Variants in HMMR observed in about 807,000 individuals in gnomAD.
HMMR encodes intracellular hyaluronic acid-binding protein.
Under a neutral mutation model 101.0 loss-of-function variants are expected in HMMR, and 108 were observed. The ratio of observed to expected loss-of-function variants is 1.07; its 90% CI spans 0.92 to 1.25. The LOEUF (loss-of-function observed/expected upper bound fraction) is 1.25. HMMR is among the 50% of genes most tolerant of loss of function. The pLI, the probability that HMMR is intolerant of heterozygous loss-of-function variation, is 0.00. For synonymous variants in HMMR, 296 were observed against 276.4 expected, an observed-to-expected ratio of 1.07 and a Z score of -0.70; for missense variants, 813 against 788.7, an observed-to-expected ratio of 1.03 and a Z score of -0.37.
At position 163,463,957 on chromosome 5, in the gene HMMR, A is replaced by G. The variant is rs761855101; in HGVS notation, c.145+3A>G. 4 of 1,009,614 alleles carry G rather than the reference A, an allele frequency of 4.0e-6. No homozygotes were observed. The highest frequency in any genetic ancestry group is 3.4e-5 in the African/African-American group (2 of 59,676). The allele number at this position is 1,009,614 out of a possible 1,614,324, so 62.5% of individuals were successfully genotyped here. A position where few individuals can be genotyped will look rare whatever the true frequency, so the allele number is the denominator to read the frequency against. ...ACAAAGATTTAAACAACAAAAAGGT[A>G]ATATAGATCACCAAAGAACAATGGT... On this transcript the variant is annotated splice_donor_region_variant and intron_variant, in intron 2 of 17. Transcript: ENST00000393915.
chr5:163,467,662 A>G (rs768701385), intron 3 of HMMR, 39 bp from the exon 4 acceptor site: 1 of 1,205,308 alleles, frequency 8.3e-7, no homozygotes, highest in Admixed American at 1.8e-5. Flanking sequence ...TATCTGTGAC[A>G]TCTAAATTTG....
At chr5:163,464,489 G>A (rs1279169403) in intron 2 of HMMR, among the ~76,000 whole-genome samples, 10 of 152,054 alleles carry the variant, frequency 6.6e-5, no homozygotes, top group African/African-American at 1.9e-4. Context: ...GGTGGGGTGC[G>A]CCTGTGGTTC....
chr5:163,474,959 A>G (rs1003868834), intron 10 of HMMR, among the ~76,000 whole-genome samples: 9 of 152,174 alleles, frequency 5.9e-5, no homozygotes, highest in South Asian at 4.1e-4. Context: ...ACCAGAAGGC[A>G]TATATATTCC....
At chr5:163,469,279 G>T (rs921462123) in intron 4 of HMMR, among the ~76,000 whole-genome samples, 1 of 151,288 alleles carries the variant, frequency 6.6e-6, no homozygotes, top group Non-Finnish European at 1.5e-5. Flanking sequence ...CAGGAGAATC[G>T]CTTGAACCCA....
intron 3 of HMMR, among the ~76,000 whole-genome samples, chr5:163,466,225 C>T (rs1758702355): frequency 6.7e-6 from 1 of 150,112 alleles, no homozygotes; most frequent in South Asian, 2.1e-4. Flanking sequence ...CGAGAGATTG[C>T]ACCACTGCAC....
Position 163,483,117 on chromosome 5 carries a change from C to G in HMMR, c.1630C>G (p.Gln544Glu), listed in dbSNP as rs775554355. Residue 544 changes from glutamine (Q) to glutamate (E), a missense_variant, in exon 14 of 18, where the codon CAA becomes GAA. By Grantham distance (29) the Gln-to-Glu change is conservative. Coordinates refer to ENST00000393915, the MANE Select transcript of HMMR (RefSeq NM_001142556.2). ...TCAAAAAATAACTGATTTGCAGAACCAACTCAAGCAACAGGAGGAAGACTT... is the reference window on the plus strand; with the variant it reads ...TCAAAAAATAACTGATTTGCAGAACGAACTCAAGCAACAGGAGGAAGACTT... ...FLQKITDLQN[Q>E]LKQQEEDFRK... 44 of 1,612,212 alleles carry G rather than the reference C, an allele frequency of 2.7e-5. 3 individuals carry two copies. In the South Asian group the frequency reaches 4.8e-4, roughly 18 times the overall value.
In HMMR at chr5:163,471,235, G is replaced by C; in HGVS notation, c.513G>C (p.Leu171Phe). The change falls in exon 6 of 18, where the codon TTG (leucine) becomes TTC (phenylalanine). Residue 171 changes from leucine to phenylalanine, a missense_variant. Transcript: ENST00000393915. ...QKNLRILSLELMKLRNKRETK... is the reference protein window; with the variant it reads ...QKNLRILSLEFMKLRNKRETK... ...ATTTGAGAATTCTAAGCTTGGAGTT[G>C]ATGAAACTTAGAAACAAAAGAGAAA... is the stretch of plus-strand genomic sequence containing the variant. The C allele has an allele frequency of 6.2e-7, 1 of 1,613,198 alleles. No homozygotes were observed. The highest frequency in any genetic ancestry group is 8.5e-7 in the Non-Finnish European group (1 of 1,179,198).
chr5:163,478,984 C>A (rs1341108865), intron 12 of HMMR, among the ~76,000 whole-genome samples, 184 bp downstream of exon 12: 1 of 152,130 alleles, frequency 6.6e-6, no homozygotes, highest in Non-Finnish European at 1.5e-5. Context: ...ATATAATTCC[C>A]CTTTATAATT....
intron 1 of HMMR, among the ~76,000 whole-genome samples, chr5:163,461,972 C>A (rs1212632950): frequency 6.6e-6 from 1 of 152,168 alleles, no homozygotes; most frequent in East Asian, 1.9e-4. Flanking sequence ...CACTATCATA[C>A]ACTATTTCGT....
In HMMR at chr5:163,460,653, G is replaced by A; in HGVS notation, c.-40G>A. On this transcript the variant is annotated 5_prime_UTR_variant, in exon 1 of 18. Transcript: ENST00000393915. Reference sequence around the variant, plus strand: ...TGATAATCCGCATTCAGTTGTCGAGGAGTGCCAGTCACCTTCAGTTTCTGG... The same window carrying A: ...TGATAATCCGCATTCAGTTGTCGAGAAGTGCCAGTCACCTTCAGTTTCTGG... The A allele has an allele frequency of 5.7e-6, 9 of 1,577,810 alleles. No homozygotes were observed. The highest frequency in any genetic ancestry group is 7.8e-6 in the Non-Finnish European group (9 of 1,156,924).
chr5:163,470,580 G>T (rs561203203), intron 5 of HMMR, among the ~76,000 whole-genome samples: 1 of 152,060 alleles, frequency 6.6e-6, no homozygotes, highest in Non-Finnish European at 1.5e-5. Context: ...GCTTGAACTC[G>T]GGAGGTGGAA....
At chr5:163,464,601 G>A in intron 2 of HMMR, 122 bp from the exon 3 acceptor site, 1 of 680,366 alleles carries the variant, frequency 1.5e-6, no homozygotes, top group Non-Finnish European at 2.6e-6. Flanking sequence ...GTGACAGTGA[G>A]ACTGTCTCAA....
chr5:163,469,799 G>A lies in HMMR; in HGVS notation c.432G>A (p.Leu144=). 1.9e-6 allele frequency: 3 copies of A among 1,609,052 alleles called. No individual in the cohort carries two copies. The highest frequency in any genetic ancestry group is 2.6e-6 in the Non-Finnish European group (3 of 1,176,128). ...NATLEKQLIE[L]TRTNELLKSK... The stretch of plus-strand genomic sequence containing the variant: ...CACTGGAAAAACAACTTATTGAATT[G>A]ACCAGGACTAATGAACTACTAAAAT... Residue 144 remains leucine, a synonymous_variant, in exon 5 of 18, where the codon TTG becomes TTA. Coordinates refer to ENST00000393915, the MANE Select transcript of HMMR (RefSeq NM_001142556.2).
Position 163,478,359 on chromosome 5 carries a change from GT to G in HMMR, c.1269-319del, listed in dbSNP as rs564557599. 1.2e-3 allele frequency among the ~76,000 whole-genome samples: 177 copies of G among 152,290 alleles called. 1 individual carries two copies. Among genetic ancestry groups the G allele is most frequent in the African/African-American group, 4.2e-3 (175 of 41,562 alleles). ...GAATGAAACTTTATTCAATCCAGAT[GT>G]TTTTTGACTGGTAATCTTTTGCAGT... On this transcript the variant is annotated intron_variant, in intron 11 of 17. Transcript: ENST00000393915.
chr5:163,483,262 A>G lies in HMMR; in HGVS notation c.1686-6A>G. On this transcript the variant is annotated splice_polypyrimidine_tract_variant and splice_region_variant and intron_variant, in intron 14 of 17. Transcript: ENST00000393915. ...ATGTTTTTCTCAATTTAATTCTTCC[A>G]TGCAGAAAAGCTGAAAAAGAAAATA... The G allele has an allele frequency of 6.2e-7, 1 of 1,604,634 alleles. No homozygotes were observed. Among genetic ancestry groups the G allele is most frequent in the South Asian group, 1.1e-5 (1 of 90,134 alleles).
intron 16 of HMMR, among the ~76,000 whole-genome samples, chr5:163,489,954 C>T (rs1331900775): frequency 2.0e-5 from 3 of 152,194 alleles, no homozygotes; most frequent in Non-Finnish European, 4.4e-5. Context: ...TGCAGACTCT[C>T]TTTTTCACCA....
At chr5:163,486,194 A>T (rs760108404) in intron 16 of HMMR, among the ~76,000 whole-genome samples, 2 of 152,214 alleles carry the variant, frequency 1.3e-5, no homozygotes, top group South Asian at 4.1e-4. Context: ...TCTGATGGGA[A>T]TTGCATTGAA....
chr5:163,478,970 A>AT, intron 12 of HMMR, among the ~76,000 whole-genome samples, 170 bp downstream of exon 12: 1 of 152,276 alleles, frequency 6.6e-6, no homozygotes, highest in South Asian at 2.1e-4. Context: ...ATCTTATTGT[A>AT]TTTATATAAT....
intron 10 of HMMR, 69 bp downstream of exon 10, chr5:163,474,274 C>T (rs557859410): frequency 8.5e-6 from 10 of 1,182,592 alleles, no homozygotes; most frequent in South Asian, 7.0e-5. Context: ...CTCTGAACAC[C>T]TTTAAATTGT....
Sources: gnomAD v4.1 joint callset for allele counts (sites outside exome capture counted in the v4.1 genomes callset) on GRCh38, gnomAD v4.1.1 for gene constraint, MANE v1.5 for transcripts, NCBI Gene and HGNC (gene_info 2026-07-23, HGNC 2026-07-21) for gene names.